The following FHIT variants were observed in gnomAD, a reference collection of about 807,000 sequenced individuals.
FHIT encodes the protein fragile histidine triad diadenosine triphosphatase.
In FHIT, 19 loss-of-function variants were observed where a neutral mutation model predicts 17.9. The observed-to-expected ratio is 1.06, with a 90% CI of 0.74 to 1.56. The LOEUF is 1.56. Ranked by LOEUF, FHIT falls within the 40% of genes most tolerant of loss-of-function variation. FHIT has a pLI of 0.00. For missense variants in FHIT, 248 were observed against 189.2 expected (o/e 1.31, Z -1.82); for synonymous variants, 81 against 69.7 (o/e 1.16, Z -0.81).
chr3:60,337,754 C>G (rs1273358204), intron 5 of FHIT, among the ~76,000 whole-genome samples: 1 of 152,160 alleles, frequency 6.6e-6, no homozygotes, highest in Non-Finnish European at 1.5e-5. Flanking sequence ...TGGGAAACCA[C>G]ATGACATACA....
chr3:60,047,029 G>A (rs555312250), intron 5 of FHIT, among the ~76,000 whole-genome samples: 14 of 152,266 alleles, frequency 9.2e-5, no homozygotes, highest in Admixed American at 7.2e-4. Context: ...GATGTGTGAA[G>A]GTAACCAACT....
At chr3:60,553,184 T>C (rs1244388307) in intron 4 of FHIT, 1 of 152,132 alleles carries the variant, frequency 6.6e-6, no homozygotes, top group Non-Finnish European at 1.5e-5. Flanking sequence ...ATATTAACAA[T>C]ATTTTGGTTT....
intron 5 of FHIT, among the ~76,000 whole-genome samples, chr3:60,180,399 C>G (rs1701875600): frequency 6.6e-6 from 1 of 152,102 alleles, no homozygotes; most frequent in Non-Finnish European, 1.5e-5. Flanking sequence ...AATTAAGGGC[C>G]ACCTGCTGTT....
intron 1 of FHIT, among the ~76,000 whole-genome samples, chr3:61,245,312 G>A (rs2040463536): frequency 6.6e-6 from 1 of 152,148 alleles, no homozygotes; most frequent in African/African-American, 2.4e-5. Flanking sequence ...TCAGGAAATT[G>A]AGGCTCAGAG....
chr3:60,244,596 G>A (rs1407835606), intron 5 of FHIT, among the ~76,000 whole-genome samples: 3 of 152,014 alleles, frequency 2.0e-5, no homozygotes, highest in Non-Finnish European at 4.4e-5. Context: ...TGCCACAGAA[G>A]CCACAAAATT....
chr3:60,418,374 GTGTA>G (rs202205727), intron 5 of FHIT, among the ~76,000 whole-genome samples: 1 of 2,360 alleles, frequency 4.2e-4, no homozygotes, highest in African/African-American at 5.2e-4. Context: ...ATCTGAATGT[GTGTA>G]TATATATATA....
At chr3:59,939,715 C>T (rs1706418136) in intron 7 of FHIT, among the ~76,000 whole-genome samples, 1 of 152,116 alleles carries the variant, frequency 6.6e-6, no homozygotes, top group African/African-American at 2.4e-5. Flanking sequence ...AGCCAACAAT[C>T]AATTCTTTAA....
chr3:60,136,596 G>C (rs1038319448), intron 5 of FHIT, among the ~76,000 whole-genome samples: 1 of 152,126 alleles, frequency 6.6e-6, no homozygotes, highest in African/African-American at 2.4e-5. Flanking sequence ...TTCGGTTTTA[G>C]ACTATGCTCA....
chr3:60,111,713 G>A (rs139250447), intron 5 of FHIT, among the ~76,000 whole-genome samples: 39 of 152,284 alleles, frequency 2.6e-4, no homozygotes, highest in African/African-American at 9.4e-4. Flanking sequence ...ACTACCCACT[G>A]AAGAAGTAAG....
chr3:60,088,143 C>A (rs1368112055), intron 5 of FHIT, among the ~76,000 whole-genome samples: 1 of 152,184 alleles, frequency 6.6e-6, no homozygotes, highest in Non-Finnish European at 1.5e-5. Context: ...GTGCTAGTCT[C>A]TTTTCAACAA....
rs367584608 is a variant in FHIT, at chr3:60,660,016, TG to T, written c.-17-123038del. Reference sequence around the variant, plus strand: ...AAAGTTAAGTCCTTCTCACATCTTTTGTGAGCCTGCATCTTTCTCTAGGTAT... The same window carrying T: ...AAAGTTAAGTCCTTCTCACATCTTTTTGAGCCTGCATCTTTCTCTAGGTAT... On this transcript the variant is annotated intron_variant, in intron 4 of 9. Transcript: ENST00000492590. Among the ~76,000 whole-genome samples the T allele has an allele frequency of 7.0e-4, 106 of 152,342 alleles. 1 individual carries two copies. Among genetic ancestry groups the T allele is most frequent in the African/African-American group, 2.5e-3 (102 of 41,576 alleles).
intron 5 of FHIT, among the ~76,000 whole-genome samples, chr3:60,476,473 T>A (rs2033349345): frequency 6.6e-6 from 1 of 152,156 alleles, no homozygotes; most frequent in Non-Finnish European, 1.5e-5. Flanking sequence ...AGAGCTCTGG[T>A]CATGAGATGT....
intron 4 of FHIT, among the ~76,000 whole-genome samples, chr3:60,572,427 C>A (rs1238515603): frequency 6.6e-6 from 1 of 151,908 alleles, no homozygotes; most frequent in Non-Finnish European, 1.5e-5. Flanking sequence ...ACATCCTAGC[C>A]CCTAGGCATG....
intron 4 of FHIT, among the ~76,000 whole-genome samples, chr3:60,594,727 G>A (rs1473982744): frequency 6.6e-6 from 1 of 152,052 alleles, no homozygotes; most frequent in Non-Finnish European, 1.5e-5. Flanking sequence ...AGAAAGCCCA[G>A]AATAGCCTCT....
chr3:61,101,666 T>C (rs1348785342), intron 2 of FHIT, among the ~76,000 whole-genome samples: 1 of 152,224 alleles, frequency 6.6e-6, no homozygotes, highest in Non-Finnish European at 1.5e-5. Flanking sequence ...TTTAATGGTA[T>C]TGATTCTTCC....
At chr3:60,154,246 G>T (rs377060466) in intron 5 of FHIT, among the ~76,000 whole-genome samples, 3 of 152,180 alleles carry the variant, frequency 2.0e-5, no homozygotes, top group African/African-American at 7.2e-5. Context: ...TACAACCTCC[G>T]GCATATATGA....
intron 3 of FHIT, among the ~76,000 whole-genome samples, chr3:61,032,037 T>C (rs1377991059): frequency 1.3e-5 from 2 of 152,240 alleles, no homozygotes; most frequent in Non-Finnish European, 2.9e-5. Flanking sequence ...TTTTGAGCTA[T>C]AGAACATAAG....
At chr3:60,631,455 G>A (rs1369063210) in intron 4 of FHIT, among the ~76,000 whole-genome samples, 1 of 152,148 alleles carries the variant, frequency 6.6e-6, no homozygotes, top group Non-Finnish European at 1.5e-5. Flanking sequence ...ATGCAGAAAT[G>A]CGGAGGGAGA....
intron 5 of FHIT, among the ~76,000 whole-genome samples, chr3:60,409,929 AG>A (rs1702002939): frequency 1.3e-5 from 2 of 152,212 alleles, no homozygotes; most frequent in South Asian, 4.1e-4. Flanking sequence ...AAAAGCTTAT[AG>A]GGTATTATAG....
Sources: gnomAD v4.1 joint callset for allele counts (sites outside exome capture counted in the v4.1 genomes callset) on GRCh38, gnomAD v4.1.1 for gene constraint, MANE v1.5 for transcripts, NCBI Gene and HGNC (gene_info 2026-07-23, HGNC 2026-07-21) for gene names.